UBE2D4: variants seen among roughly 807,000 people sequenced by gnomAD.
UBE2D4 encodes the protein ubiquitin-conjugating enzyme E2 D4.
Under a neutral mutation model 23.0 loss-of-function variants are expected in UBE2D4, and 17 were observed. That is an observed-to-expected ratio of 0.74 (90% confidence interval 0.51 to 1.11). The LOEUF (loss-of-function observed/expected upper bound fraction) is 1.11, where lower values mean the gene tolerates loss of function less well. UBE2D4 is among the 50% of genes least tolerant of loss of function. The pLI is 0.00. For missense variants in UBE2D4, 139 were observed against 181.8 expected (o/e 0.76, Z 1.35); for synonymous variants, 61 against 69.4 (o/e 0.88, Z 0.60).
At chr7:43,929,416 A>G (rs1402500074) in intron 1 of UBE2D4, among the ~76,000 whole-genome samples, 3 of 146,846 alleles carry the variant, frequency 2.0e-5, no homozygotes, top group Admixed American at 6.8e-5. Context: ...ACAGAGCGAG[A>G]CTCTGTCTTA....
chr7:43,940,549 C>G (rs1189250233), intron 2 of UBE2D4, among the ~76,000 whole-genome samples: 1 of 152,166 alleles, frequency 6.6e-6, no homozygotes, highest in Non-Finnish European at 1.5e-5. Flanking sequence ...ACAGTCAGAC[C>G]TCAGTGGATG....
In UBE2D4 at chr7:43,950,674, A is replaced by T; in HGVS notation, c.380A>T (p.Tyr127Phe). 6.2e-7 allele frequency: 1 copy of T among 1,614,144 alleles called. No homozygotes were observed. The highest frequency in any genetic ancestry group is 8.5e-7 in the Non-Finnish European group (1 of 1,179,974). The part of the protein sequence containing the change: ...DPLVPEIAHT[Y>F]KADREKYNRL... ...CTGGTGCCAGAGATAGCACACACCT[A>T]CAAGGCCGACAGAGAGAAGTACGTG... The change falls in exon 6 of 7, where the codon TAC becomes TTC. Residue 127 changes from tyrosine (Y) to phenylalanine (F), a missense_variant. Transcript: ENST00000222402.
At chr7:43,942,505 C>A in intron 2 of UBE2D4, 1 of 506,502 alleles carries the variant, frequency 2.0e-6, no homozygotes, top group South Asian at 2.2e-5. Flanking sequence ...TGTTGCCATA[C>A]AGCAATGCCA....
intron 1 of UBE2D4, among the ~76,000 whole-genome samples, chr7:43,935,374 A>G (rs1330402411): frequency 1.3e-5 from 2 of 152,218 alleles, no homozygotes; most frequent in Middle Eastern, 3.4e-3. Flanking sequence ...CTTCATCCTC[A>G]TTTTCTTATT....
At chr7:43,932,134 C>T (rs1232890549) in intron 1 of UBE2D4, among the ~76,000 whole-genome samples, 2 of 152,018 alleles carry the variant, frequency 1.3e-5, no homozygotes, top group Non-Finnish European at 2.9e-5. Context: ...GGACTACAGG[C>T]GCCTGCCACC....
In UBE2D4 at chr7:43,955,528, T is replaced by G. The variant is rs2096011582; in HGVS notation, c.*2833T>G. 6.6e-6 allele frequency: 1 copy of G among 152,184 alleles called. No individual in the cohort carries two copies. Among genetic ancestry groups the G allele is most frequent in the Non-Finnish European group, 1.5e-5 (1 of 68,032 alleles). The allele number at this position is 152,184 out of a possible 1,614,324, so 9.4% of individuals were successfully genotyped here. ...CCAGAATGCAAATGTCCAACAGGCC[T>G]GGTAGCTCACAGCTATCAACACCCT... On this transcript the variant is annotated 3_prime_UTR_variant, in exon 7 of 7. Transcript: ENST00000222402.
intron 4 of UBE2D4, among the ~76,000 whole-genome samples, chr7:43,945,776 C>CTTTTTTTTTTTTTT (rs11339851): frequency 1.2e-5 from 1 of 84,192 alleles, no homozygotes; most frequent in Non-Finnish European, 2.3e-5. Flanking sequence ...GGCAAAATCC[C>CTTTTTTTTTTTTTT]TTTTTTTTTT....
chr7:43,949,109 G>C (rs1348144742), intron 5 of UBE2D4: 1 of 325,876 alleles, frequency 3.1e-6, no homozygotes, highest in Non-Finnish European at 5.6e-6. Context: ...CTGTGAGTCA[G>C]CCCTGAAGGA....
rs1303813170 is a variant in UBE2D4 at position 43,928,034 on chromosome 7, C to T, written c.24+1478C>T. 9 of 453,072 alleles carry T rather than the reference C, an allele frequency of 2.0e-5. No homozygotes were observed. The East Asian group carries it at 6.3e-4, about 32-fold the overall frequency. The allele number at this position is 453,072 out of a possible 1,614,324, so 28.1% of individuals were successfully genotyped here. A position where few individuals can be genotyped will look rare whatever the true frequency, so the allele number is the denominator to read the frequency against. On this transcript the variant is annotated intron_variant, in intron 1 of 6. Coordinates refer to ENST00000222402, the MANE Select transcript of UBE2D4 (RefSeq NM_015983.4). ...TGCAGGCTGTACAAGAAGCATGGTG[C>T]CAGCATCTGCTTCTGGTGAGGCCTC...
chr7:43,949,463 G>T (rs1285973426), intron 5 of UBE2D4, among the ~76,000 whole-genome samples: 1 of 152,212 alleles, frequency 6.6e-6, no homozygotes, highest in African/African-American at 2.4e-5. Context: ...CTGGCCTCAA[G>T]CAGTCCTCCC....
At chr7:43,948,973 C>T in intron 5 of UBE2D4, 1 of 472,406 alleles carries the variant, frequency 2.1e-6, no homozygotes, top group Non-Finnish European at 3.8e-6. Context: ...GTGCTCAAGA[C>T]TGTCACATGG....
At chr7:43,940,115 G>C (rs2095968060) in intron 2 of UBE2D4, among the ~76,000 whole-genome samples, 1 of 152,244 alleles carries the variant, frequency 6.6e-6, no homozygotes, top group South Asian at 2.1e-4. Flanking sequence ...AGGGGACTGA[G>C]CTTAGAGGAG....
intron 1 of UBE2D4, among the ~76,000 whole-genome samples, chr7:43,936,178 A>C (rs910792590): frequency 6.6e-6 from 1 of 152,222 alleles, no homozygotes; most frequent in Non-Finnish European, 1.5e-5. Flanking sequence ...CAGCCTGATA[A>C]AAGTAATTTT....
intron 4 of UBE2D4, among the ~76,000 whole-genome samples, chr7:43,945,919 A>C (rs2528371): frequency 0.44 from 66,748 of 150,636 alleles, 15,080 homozygotes; most frequent in East Asian, 0.61. Flanking sequence ...AGTAGCTGGG[A>C]TTACAGGCAT....
intron 4 of UBE2D4, among the ~76,000 whole-genome samples, chr7:43,947,449 C>T (rs1342009501): frequency 1.3e-5 from 2 of 152,082 alleles, no homozygotes; most frequent in Non-Finnish European, 2.9e-5. Context: ...GGTTTTCTGT[C>T]CTTGTGATAG....
chr7:43,942,711 C>A, intron 2 of UBE2D4, 115 bp from the exon 3 acceptor site: 1 of 1,462,164 alleles, frequency 6.8e-7, no homozygotes, highest in South Asian at 1.1e-5. Context: ...CAGTTGGTGT[C>A]AGAAGTGAGT....
chr7:43,926,945 G>A (rs1431358976), intron 1 of UBE2D4, among the ~76,000 whole-genome samples: 1 of 152,224 alleles, frequency 6.6e-6, no homozygotes, highest in Non-Finnish European at 1.5e-5. Flanking sequence ...AAGGGGAAAA[G>A]GCTTTCCCTG....
intron 1 of UBE2D4, chr7:43,928,076 T>C (rs1243717006): frequency 4.4e-6 from 2 of 454,414 alleles, no homozygotes; most frequent in African/African-American, 4.0e-5. Context: ...CTTACAATCA[T>C]GGCAGAAAGC....
intron 1 of UBE2D4, among the ~76,000 whole-genome samples, chr7:43,933,213 G>T (rs1380364294): frequency 6.6e-6 from 1 of 150,818 alleles, no homozygotes; most frequent in African/African-American, 2.4e-5. Flanking sequence ...CATTTTTGTG[G>T]ATTTCTTTTC....
Sources: gnomAD v4.1 joint callset for allele counts (sites outside exome capture counted in the v4.1 genomes callset) on GRCh38, gnomAD v4.1.1 for gene constraint, MANE v1.5 for transcripts, NCBI Gene and HGNC (gene_info 2026-07-23, HGNC 2026-07-21) for gene names.